The following SHISA9 variants were observed in gnomAD, a reference collection of about 807,000 sequenced individuals.
SHISA9 encodes protein shisa-9.
In SHISA9, 13 loss-of-function variants were observed where a neutral mutation model predicts 38.0. The ratio of observed to expected loss-of-function variants is 0.34; its 90% CI spans 0.22 to 0.54. The LOEUF is 0.54. SHISA9 is among the 20% of genes least tolerant of loss of function. SHISA9 has a pLI of 0.91. For missense variants in SHISA9, 538 were observed against 575.8 expected, an observed-to-expected ratio of 0.93 and a Z score of 0.67; for synonymous variants, 275 against 242.0, an observed-to-expected ratio of 1.14 and a Z score of -1.27.
At chr16:13,389,805 G>C in the SHISA9 span, among the ~76,000 whole-genome samples, 2 of 152,210 alleles carry the variant, frequency 1.3e-5, no homozygotes, top group African/African-American at 4.8e-5. Context: ...GGCTGCGATT[G>C]TCCTGGAAAA....
the SHISA9 span, among the ~76,000 whole-genome samples, chr16:13,550,159 G>A: frequency 1.7e-4 from 26 of 152,082 alleles, no homozygotes; most frequent in Non-Finnish European, 3.2e-4. Context: ...GAGAGAGGTT[G>A]GAACAGTGGA....
chr16:13,257,223 C>T, the SHISA9 span, among the ~76,000 whole-genome samples: 1 of 152,160 alleles, frequency 6.6e-6, no homozygotes, highest in Non-Finnish European at 1.5e-5. Context: ...AGCACTGTTG[C>T]TACTAAATGA....
chr16:13,354,778 A>G, the SHISA9 span, among the ~76,000 whole-genome samples: 1 of 152,144 alleles, frequency 6.6e-6, no homozygotes, highest in African/African-American at 2.4e-5. Flanking sequence ...TAGGAAGAAA[A>G]GGAGTTGTTT....
chr16:13,089,172 GC>G (rs755937195), intron 2 of SHISA9, among the ~76,000 whole-genome samples: 1 of 152,216 alleles, frequency 6.6e-6, no homozygotes, highest in Admixed American at 6.5e-5. Flanking sequence ...TGGTGGATAA[GC>G]TTTTTGATGT....
chr16:12,910,726 A>C (rs934365600), intron 1 of SHISA9: 3 of 984,992 alleles, frequency 3.0e-6, no homozygotes, highest in South Asian at 4.7e-5. Context: ...TCTTCAGGTA[A>C]CTGCAAGAGA....
chr16:13,076,462 C>T (rs1057295752), intron 2 of SHISA9, among the ~76,000 whole-genome samples: 6 of 152,140 alleles, frequency 3.9e-5, no homozygotes, highest in Admixed American at 3.9e-4. Context: ...TTTTAGTTAG[C>T]CCACTTCCCC....
chr16:13,054,539 T>G (rs552667159), intron 2 of SHISA9, among the ~76,000 whole-genome samples: 23 of 152,328 alleles, frequency 1.5e-4, no homozygotes, highest in East Asian at 5.8e-4. Context: ...GAGAATGTCT[T>G]TAACTTTCTA....
At chr16:13,463,259 C>T in the SHISA9 span, among the ~76,000 whole-genome samples, 1 of 152,168 alleles carries the variant, frequency 6.6e-6, no homozygotes, top group South Asian at 2.1e-4. Context: ...CGTGAGGAAG[C>T]TATTGCAATA....
rs904210267 is a variant in SHISA9 at position 13,235,874 on chromosome 16, G to C, written c.*465G>C. The C allele has an allele frequency of 3.2e-5, 5 of 158,114 alleles. No homozygotes were observed. The highest frequency in any genetic ancestry group is 9.6e-5 in the African/African-American group (4 of 41,588). The allele number at this position is 158,114 out of a possible 1,614,324, so 9.8% of individuals were successfully genotyped here. ...CAGGGTGGAAATGGGGGTAGAGAAT[G>C]AGGGAGGACACAAGAGAAGAGTGTA... is the stretch of plus-strand genomic sequence containing the variant. On this transcript the variant is annotated 3_prime_UTR_variant, in exon 5 of 5. Coordinates refer to ENST00000558583, the MANE Select transcript of SHISA9 (RefSeq NM_001145204.3).
chr16:13,173,377 T>TACACACACACAC (rs34832916), intron 2 of SHISA9, among the ~76,000 whole-genome samples: 26 of 142,948 alleles, frequency 1.8e-4, no homozygotes, highest in African/African-American at 6.7e-4. Flanking sequence ...TGTGTGCATG[T>TACACACACACAC]ACACACACAC....
the SHISA9 span, among the ~76,000 whole-genome samples, chr16:13,319,372 C>T: frequency 1.3e-5 from 2 of 152,182 alleles, no homozygotes; most frequent in African/African-American, 4.8e-5. Context: ...CGGCCTACCA[C>T]GTTTATCCTG....
At chr16:13,073,385 A>C (rs555883731) in intron 2 of SHISA9, among the ~76,000 whole-genome samples, 3 of 152,306 alleles carry the variant, frequency 2.0e-5, no homozygotes, top group African/African-American at 7.2e-5. Flanking sequence ...GACATCTGGC[A>C]CTTGCTAACT....
intron 2 of SHISA9, among the ~76,000 whole-genome samples, chr16:13,056,553 G>A (rs1465210612): frequency 6.6e-6 from 1 of 152,158 alleles, no homozygotes; most frequent in Non-Finnish European, 1.5e-5. Flanking sequence ...TCAGTTATGG[G>A]TTGGAAGGAT....
the SHISA9 span, among the ~76,000 whole-genome samples, chr16:13,245,912 TTAAA>T: frequency 6.6e-6 from 1 of 152,190 alleles, no homozygotes; most frequent in Non-Finnish European, 1.5e-5. Flanking sequence ...ATTTAAGGGC[TTAAA>T]TAAATAGCCC....
At chr16:13,079,016 A>T (rs2073616507) in intron 2 of SHISA9, among the ~76,000 whole-genome samples, 1 of 152,226 alleles carries the variant, frequency 6.6e-6, no homozygotes, top group African/African-American at 2.4e-5. Flanking sequence ...GAATCTTGCT[A>T]AGTGACCCTG....
intron 1 of SHISA9, chr16:12,910,473 A>G: frequency 1.0e-6 from 1 of 985,470 alleles, no homozygotes; most frequent in South Asian, 4.7e-5. Flanking sequence ...AAGGAAATGT[A>G]CAAGAAAGTT....
At chr16:13,541,567 C>T in the SHISA9 span, among the ~76,000 whole-genome samples, 30,457 of 152,084 alleles carry the variant, frequency 0.2, 3,313 homozygotes, top group South Asian at 0.33. Flanking sequence ...AATTGAAGAC[C>T]TCAACATTTA....
chr16:13,071,555 T>G (rs1183676499), intron 2 of SHISA9, among the ~76,000 whole-genome samples: 1 of 137,948 alleles, frequency 7.2e-6, no homozygotes, highest in Non-Finnish European at 1.5e-5. Flanking sequence ...CTCCATTCCC[T>G]TTTTCCTTCC....
At chr16:13,299,504 A>G in the SHISA9 span, among the ~76,000 whole-genome samples, 1 of 152,128 alleles carries the variant, frequency 6.6e-6, no homozygotes, top group Non-Finnish European at 1.5e-5. Context: ...ACCTGAGGTC[A>G]AGAGTTCGAG....
Sources: allele counts gnomAD v4.1 joint callset (sites outside exome capture counted in the v4.1 genomes callset), GRCh38; gene constraint gnomAD v4.1.1; transcripts MANE v1.5; gene names NCBI Gene and HGNC (gene_info 2026-07-23, HGNC 2026-07-21).